Variants in TSPAN11 observed in about 807,000 individuals in gnomAD.
TSPAN11 encodes the protein tetraspanin 11, also known as tetraspanin-11.
TSPAN11 carries 29 observed loss-of-function variants against 32.9 expected under a neutral mutation model. The observed-to-expected ratio is 0.88, with a 90% CI of 0.66 to 1.20. The LOEUF (loss-of-function observed/expected upper bound fraction) is 1.20, where lower values mean the gene tolerates loss of function less well. TSPAN11 is among the 50% of genes most tolerant of loss of function. The probability of loss-of-function intolerance (pLI) is 0.00; values close to 1 mark genes in which losing one functional copy is unlikely to be tolerated. For synonymous variants in TSPAN11, 140 were observed against 141.3 expected (o/e 0.99, Z 0.07); for missense variants, 283 against 329.1 (o/e 0.86, Z 1.08).
rs141906570 is a variant in TSPAN11, at chr12:30,963,804, C to G, written c.85-22C>G. The G allele has an allele frequency of 8.7e-4, 1,390 of 1,601,436 alleles. 10 individuals carry two copies. In the African/African-American group the frequency reaches 0.016, roughly 19 times the overall value. ...GCCGAGGCCCCCGCCACCCCCTGCTCTAACCCGGTGGTCTCCTGCAGGTCG... is the reference window on the plus strand; with the variant it reads ...GCCGAGGCCCCCGCCACCCCCTGCTGTAACCCGGTGGTCTCCTGCAGGTCG... On this transcript the variant is annotated intron_variant, in intron 2 of 7. Coordinates refer to ENST00000546076, the MANE Select transcript of TSPAN11 (RefSeq NM_001370302.1).
intron 3 of TSPAN11, among the ~76,000 whole-genome samples, chr12:30,974,516 G>A (rs1023079431): frequency 2.0e-5 from 3 of 152,336 alleles, no homozygotes; most frequent in East Asian, 3.9e-4. Context: ...GCTACTGCCC[G>A]CAGCATGGGG....
intron 2 of TSPAN11, among the ~76,000 whole-genome samples, chr12:30,958,719 C>T (rs1284938734): frequency 6.6e-6 from 1 of 152,146 alleles, no homozygotes; most frequent in Non-Finnish European, 1.5e-5. Context: ...GCAGAAGTCA[C>T]TCTGGTGGTT....
chr12:30,974,316 G>T (rs1182091546), intron 3 of TSPAN11, among the ~76,000 whole-genome samples: 1 of 152,206 alleles, frequency 6.6e-6, no homozygotes, highest in Non-Finnish European at 1.5e-5. Flanking sequence ...GGCATTTTGT[G>T]CCAGATAATT....
rs555750888 is a variant in TSPAN11, at chr12:30,978,613, T to C, written c.329T>C (p.Leu110Pro). ...IFLVELVAGV[L>P]AHVYYQRLSD... Reference sequence around the variant, plus strand: ...CTGGTTGAGCTGGTGGCGGGAGTCCTGGCCCATGTGTATTACCAGAGGGTA... The same window carrying C: ...CTGGTTGAGCTGGTGGCGGGAGTCCCGGCCCATGTGTATTACCAGAGGGTA... Residue 110 changes from leucine (L) to proline (P), a missense_variant, in exon 4 of 8, where the codon CTG becomes CCG. By Grantham distance (98) the Leu-to-Pro change is moderately conservative. Transcript: ENST00000546076. 5.0e-6 allele frequency: 8 copies of C among 1,614,230 alleles called. No individual in the cohort carries two copies. The African/African-American group carries it at 6.7e-5, about 13-fold the overall frequency.
At chr12:30,967,428 A>C (rs1406521605) in intron 3 of TSPAN11, among the ~76,000 whole-genome samples, 3 of 152,244 alleles carry the variant, frequency 2.0e-5, no homozygotes, top group African/African-American at 7.2e-5. Flanking sequence ...GTCAACAGGC[A>C]GTGAGCCTTA....
In TSPAN11 at chr12:30,974,958, G is replaced by T. The variant is rs1038500562; in HGVS notation, c.277-3603G>T. On this transcript the variant is annotated intron_variant, in intron 3 of 7. Transcript: ENST00000546076. ...GGGAGTGGCAGTTGCTCCTGCCCAA[G>T]GATAGCCTGGTGGAGCCAAGACTGA... 2.8e-4 allele frequency among the ~76,000 whole-genome samples: 43 copies of T among 152,222 alleles called. 1 individual carries two copies. Among genetic ancestry groups the T allele is most frequent in the Non-Finnish European group, 1.5e-5 (1 of 68,028 alleles).
intron 7 of TSPAN11, among the ~76,000 whole-genome samples, chr12:30,985,070 T>A (rs142897865): frequency 1.3e-5 from 2 of 152,224 alleles, no homozygotes; most frequent in East Asian, 3.9e-4. Flanking sequence ...TTGGAAACCA[T>A]GGTGCCACCT....
intron 1 of TSPAN11, among the ~76,000 whole-genome samples, chr12:30,935,907 A>G (rs1938036334): frequency 1.3e-5 from 2 of 152,320 alleles, no homozygotes; most frequent in South Asian, 4.1e-4. Flanking sequence ...GTCTTGCAGA[A>G]TCACAGGAAA....
chr12:30,927,907 T>C (rs1221336167), intron 1 of TSPAN11, among the ~76,000 whole-genome samples: 1 of 152,160 alleles, frequency 6.6e-6, no homozygotes, highest in East Asian at 1.9e-4. Flanking sequence ...CCCAAGGGAC[T>C]GGAGGCTCCA....
intron 1 of TSPAN11, among the ~76,000 whole-genome samples, chr12:30,939,613 T>G (rs1938119040): frequency 6.6e-6 from 1 of 152,202 alleles, no homozygotes; most frequent in Non-Finnish European, 1.5e-5. Context: ...CACTTGTGTT[T>G]GCCAACACTG....
chr12:31,000,443 C>G (rs1442647851), downstream of TSPAN11, among the ~76,000 whole-genome samples: 1 of 152,234 alleles, frequency 6.6e-6, no homozygotes, highest in African/African-American at 2.4e-5. Context: ...AGCTCCTATC[C>G]TGGTCTAGGA....
the TSPAN11 span, among the ~76,000 whole-genome samples, chr12:31,012,085 C>G: frequency 1.3e-5 from 2 of 152,248 alleles, no homozygotes; most frequent in East Asian, 3.9e-4. Context: ...ATAAAAAGCC[C>G]GAAGCTGGCG....
At chr12:30,964,725 C>G (rs1378286047) in intron 3 of TSPAN11, among the ~76,000 whole-genome samples, 3 of 152,206 alleles carry the variant, frequency 2.0e-5, no homozygotes, top group African/African-American at 7.2e-5. Flanking sequence ...TTACCATTAT[C>G]ACACTTTAAA....
intron 3 of TSPAN11, among the ~76,000 whole-genome samples, chr12:30,971,874 G>GTC (rs1362508430): frequency 6.6e-6 from 1 of 151,820 alleles, no homozygotes; most frequent in East Asian, 1.9e-4. Flanking sequence ...GGTTCAGAGA[G>GTC]TACTATGCTG....
intron 1 of TSPAN11, among the ~76,000 whole-genome samples, chr12:30,942,623 A>G (rs1046868894): frequency 1.3e-5 from 2 of 152,076 alleles, no homozygotes; most frequent in Admixed American, 1.3e-4. Flanking sequence ...CTCTGTGTGT[A>G]TGTCTGCATC....
chr12:30,998,589 G>A (rs1023716725), downstream of TSPAN11, among the ~76,000 whole-genome samples: 1 of 152,210 alleles, frequency 6.6e-6, no homozygotes. Flanking sequence ...GATCCTGCCG[G>A]GCACCTGGTG....
At chr12:30,989,952 C>A (rs1363755899) in intron 7 of TSPAN11, among the ~76,000 whole-genome samples, 2 of 152,216 alleles carry the variant, frequency 1.3e-5, no homozygotes, top group African/African-American at 4.8e-5. Context: ...GGCCCAACCC[C>A]ATCTGCCACC....
chr12:30,985,737 C>A (rs1319446488), intron 7 of TSPAN11, among the ~76,000 whole-genome samples: 2 of 152,242 alleles, frequency 1.3e-5, no homozygotes, highest in African/African-American at 4.8e-5. Context: ...GGCAGTGAGG[C>A]TGAGGGCAGG....
At chr12:31,002,343 C>T in the TSPAN11 span, among the ~76,000 whole-genome samples, 1 of 152,196 alleles carries the variant, frequency 6.6e-6, no homozygotes, top group Non-Finnish European at 1.5e-5. This position sits in a 1 kb window ranked among gnomAD's most constrained non-coding sequence, Gnocchi z 4.8. Flanking sequence ...TGCTGTCAGA[C>T]CCACATGCAC....
Sources: gnomAD v4.1 joint callset for allele counts (sites outside exome capture counted in the v4.1 genomes callset) on GRCh38, gnomAD v4.1.1 for gene constraint, Gnocchi (gnomAD v3.1) non-coding constraint, MANE v1.5 for transcripts, NCBI Gene and HGNC (gene_info 2026-07-23, HGNC 2026-07-21) for gene names.